Variants in TSPAN9 observed in about 807,000 individuals in gnomAD.
TSPAN9 encodes tetraspanin-9.
Under a neutral mutation model 31.0 loss-of-function variants are expected in TSPAN9, and 16 were observed. That is an observed-to-expected ratio of 0.52 (90% CI 0.35 to 0.78). The LOEUF is 0.78. Among genes scored for constraint, TSPAN9 ranks in the 30% least tolerant of loss-of-function variants. The probability of loss-of-function intolerance (pLI) is 0.01; values close to 1 mark genes in which losing one functional copy is unlikely to be tolerated. For missense variants in TSPAN9, 272 were observed against 312.5 expected, an observed-to-expected ratio of 0.87 and a Z score of 0.98; for synonymous variants, 145 against 121.6, an observed-to-expected ratio of 1.19 and a Z score of -1.27.
chr12:3,102,659 G>A (rs552265094), intron 2 of TSPAN9, among the ~76,000 whole-genome samples: 1 of 152,062 alleles, frequency 6.6e-6, no homozygotes, highest in South Asian at 2.1e-4. Context: ...GGATGGTCTC[G>A]ATCTCCTGAC....
intron 2 of TSPAN9, among the ~76,000 whole-genome samples, chr12:3,159,913 G>A (rs904634554): frequency 6.6e-6 from 1 of 152,132 alleles, no homozygotes; most frequent in Admixed American, 6.6e-5. Context: ...CCAGCCTGTG[G>A]TACTTTGGTT....
At chr12:3,095,825 G>A (rs1165574524) in intron 2 of TSPAN9, among the ~76,000 whole-genome samples, 3 of 146,400 alleles carry the variant, frequency 2.0e-5, no homozygotes, top group Admixed American at 6.7e-5. Context: ...GATGGCGGCC[G>A]GGCGGAGACG....
At chr12:3,249,176 G>A (rs1044313973) in intron 3 of TSPAN9, among the ~76,000 whole-genome samples, 5 of 152,198 alleles carry the variant, frequency 3.3e-5, no homozygotes, top group African/African-American at 9.7e-5. Flanking sequence ...CACAGAAGCC[G>A]GTAGAATTCA....
chr12:3,190,711 A>T (rs1025861236), intron 2 of TSPAN9, among the ~76,000 whole-genome samples: 1 of 152,168 alleles, frequency 6.6e-6, no homozygotes, highest in Admixed American at 6.5e-5. Context: ...CTAAGAGGAG[A>T]TGCCTGTCCT....
At chr12:3,134,044 T>A (rs566637304) in intron 2 of TSPAN9, among the ~76,000 whole-genome samples, 1 of 152,226 alleles carries the variant, frequency 6.6e-6, no homozygotes, top group East Asian at 1.9e-4. Flanking sequence ...GTGTGTAATG[T>A]AAGGGTTGCC....
chr12:3,173,629 A>T (rs941246952), intron 2 of TSPAN9: 1 of 152,154 alleles, frequency 6.6e-6, no homozygotes, highest in African/African-American at 2.4e-5. Flanking sequence ...CCAAGTACTT[A>T]GAACTACAGG....
At chr12:3,177,169 G>A (rs753172934) in intron 2 of TSPAN9, among the ~76,000 whole-genome samples, 4 of 151,904 alleles carry the variant, frequency 2.6e-5, no homozygotes, top group Non-Finnish European at 4.4e-5. Context: ...ATAGAGTCTC[G>A]CTCTGTTGCC....
At chr12:3,177,278 C>T (rs1382765185) in intron 2 of TSPAN9, among the ~76,000 whole-genome samples, 5 of 152,106 alleles carry the variant, frequency 3.3e-5, no homozygotes, top group African/African-American at 1.2e-4. Context: ...GCTGGGACTA[C>T]AGGTGCCTGC....
chr12:3,095,170 A>G (rs1418888148), intron 2 of TSPAN9, among the ~76,000 whole-genome samples: 1 of 110,644 alleles, frequency 9.0e-6, no homozygotes, highest in Non-Finnish European at 1.9e-5. Context: ...CATGTTTCAG[A>G]GAGCACAGGG....
intron 3 of TSPAN9, among the ~76,000 whole-genome samples, chr12:3,225,358 G>T (rs2098386646): frequency 6.6e-6 from 1 of 152,118 alleles, no homozygotes; most frequent in Non-Finnish European, 1.5e-5. Context: ...GCACGCACAG[G>T]ACAGCCTGTC....
chr12:3,277,262 C>G (rs1286194245), intron 3 of TSPAN9, among the ~76,000 whole-genome samples: 1 of 152,246 alleles, frequency 6.6e-6, no homozygotes, highest in African/African-American at 2.4e-5. Flanking sequence ...ACCACCTGCA[C>G]TTTCACCCGG....
At chr12:3,238,411 G>A (rs1020204651) in intron 3 of TSPAN9, among the ~76,000 whole-genome samples, 5 of 152,222 alleles carry the variant, frequency 3.3e-5, no homozygotes, top group Admixed American at 1.3e-4. Context: ...GGCCAGCTTT[G>A]TGCTGAATTG....
chr12:3,144,440 A>G (rs2098336219), intron 2 of TSPAN9, among the ~76,000 whole-genome samples: 2 of 152,162 alleles, frequency 1.3e-5, no homozygotes, highest in Admixed American at 1.3e-4. Context: ...AGGAAGCACC[A>G]TGTGATGACA....
At chr12:3,167,396 T>TGATA (rs2153969960) in intron 2 of TSPAN9, among the ~76,000 whole-genome samples, 1 of 152,338 alleles carries the variant, frequency 6.6e-6, no homozygotes, top group South Asian at 2.1e-4. Flanking sequence ...ATTTTAGGGA[T>TGATA]GATAGGTAAA....
intron 3 of TSPAN9, among the ~76,000 whole-genome samples, chr12:3,213,139 C>G (rs371596717): frequency 3.3e-5 from 5 of 152,132 alleles, no homozygotes; most frequent in Non-Finnish European, 5.9e-5. Flanking sequence ...TTGGATCATG[C>G]GGGGAAGGGC....
intron 2 of TSPAN9, among the ~76,000 whole-genome samples, chr12:3,197,168 C>A (rs2098367450): frequency 6.6e-6 from 1 of 152,180 alleles, no homozygotes; most frequent in African/African-American, 2.4e-5. Context: ...AACTGCCTTG[C>A]CCTTGATCAC....
At position 3,284,569 on chromosome 12, in the gene TSPAN9, G is replaced by A. The variant is rs71577831; in HGVS notation, c.*1453G>A. 2,113 of 153,154 alleles carry A rather than the reference G, an allele frequency of 0.014. 19 individuals are homozygous for A. Among genetic ancestry groups the A allele is most frequent in the Middle Eastern group, 0.048 (14 of 294 alleles). 9.5% of individuals were successfully genotyped at this position (153,154 alleles called of 1,614,324 possible). On this transcript the variant is annotated 3_prime_UTR_variant, in exon 9 of 9. Transcript: ENST00000011898. ...ACGGGAAGAAAGCAGCCGGAGTCAC[G>A]CACGTGCAGAGCTGGGCATGGGAGA...
At chr12:3,257,821 T>A (rs1367931075) in intron 3 of TSPAN9, among the ~76,000 whole-genome samples, 2 of 151,690 alleles carry the variant, frequency 1.3e-5, no homozygotes, top group African/African-American at 4.8e-5. Context: ...TGCCCAGAGG[T>A]GGTGAGGGTC....
At chr12:3,238,133 C>T (rs886181174) in intron 3 of TSPAN9, among the ~76,000 whole-genome samples, 3 of 152,196 alleles carry the variant, frequency 2.0e-5, no homozygotes, top group Non-Finnish European at 4.4e-5. Context: ...CCTTCTCTCT[C>T]TCTGGTAGAG....
Sources: gnomAD v4.1 joint callset for allele counts (sites outside exome capture counted in the v4.1 genomes callset) on GRCh38, gnomAD v4.1.1 for gene constraint, MANE v1.5 for transcripts, NCBI Gene and HGNC (gene_info 2026-07-23, HGNC 2026-07-21) for gene names.